Variants in USO1 observed in about 807,000 individuals in gnomAD.
USO1 encodes the protein USO1 vesicle transport factor.
USO1 carries 57 observed loss-of-function variants against 124.5 expected under a neutral mutation model. The observed-to-expected ratio is 0.46, with a 90% CI of 0.37 to 0.57. The LOEUF is 0.57. USO1 is among the 20% of genes least tolerant of loss of function. The probability of loss-of-function intolerance (pLI) is 0.00; values close to 1 mark genes in which losing one functional copy is unlikely to be tolerated. For missense variants in USO1, 900 were observed against 1,040.6 expected, an observed-to-expected ratio of 0.86 and a Z score of 1.86; for synonymous variants, 369 against 362.8, an observed-to-expected ratio of 1.02 and a Z score of -0.19.
intron 4 of USO1, among the ~76,000 whole-genome samples, chr4:75,761,518 G>C (rs1721606910): frequency 6.6e-6 from 1 of 152,166 alleles, no homozygotes; most frequent in South Asian, 2.1e-4. Flanking sequence ...AGGTATTCTA[G>C]TTCAGAGAAT....
chr4:75,748,201 G>A (rs558942718), intron 1 of USO1, among the ~76,000 whole-genome samples: 154 of 143,326 alleles, frequency 1.1e-3, no homozygotes, highest in African/African-American at 3.8e-3. Flanking sequence ...ATCGTGCCCA[G>A]CTGGTATTTC....
In USO1 at chr4:75,814,144, T is replaced by G. The variant is rs534854682; in HGVS notation, c.*849T>G. 3 of 152,320 alleles carry G rather than the reference T, an allele frequency of 2.0e-5. No homozygotes were observed. In the South Asian group the frequency reaches 6.2e-4, roughly 32 times the overall value. 9.4% of individuals were successfully genotyped at this position (152,320 alleles called of 1,614,324 possible). On this transcript the variant is annotated 3_prime_UTR_variant, in exon 24 of 24. Transcript: ENST00000514213. ...AATAGGTTTAAGTCAGATAATAGAT[T>G]TTAAAAAAGCAAATGAGGCAATGTG...
rs530774003 is a variant in USO1 at position 75,754,078 on chromosome 4, C to T, written c.218+1474C>T. ...CTGGGATTACAGGCGTGAGCCACCG[C>T]GCCCAGCCTTTTTTTTTTTTTCAGA... On this transcript the variant is annotated intron_variant, in intron 3 of 23. Transcript: ENST00000514213. 1.5e-3 allele frequency among the ~76,000 whole-genome samples: 219 copies of T among 149,304 alleles called. 1 individual carries two copies. The highest frequency in any genetic ancestry group is 2.3e-3 in the Non-Finnish European group (158 of 67,246).
intron 1 of USO1, among the ~76,000 whole-genome samples, chr4:75,752,059 T>C (rs1721310309): frequency 6.6e-6 from 1 of 152,176 alleles, no homozygotes; most frequent in Admixed American, 6.5e-5. Flanking sequence ...TATGCTCCCC[T>C]CCTGGTTCAA....
intron 11 of USO1, 38 bp downstream of exon 11, chr4:75,790,276 T>C (rs1436098336): frequency 1.3e-6 from 2 of 1,557,270 alleles, no homozygotes; most frequent in South Asian, 1.2e-5. Context: ...TCTGAGGAAG[T>C]AAAAACTTTG....
At chr4:75,771,833 C>G (rs1367824818) in intron 7 of USO1, among the ~76,000 whole-genome samples, 2 of 152,040 alleles carry the variant, frequency 1.3e-5, no homozygotes, top group Non-Finnish European at 2.9e-5. Context: ...CTATTGTTAC[C>G]TACAACTTGA....
In USO1 at chr4:75,790,193, A is replaced by C. The variant is rs767776781; in HGVS notation, c.1040A>C (p.Asn347Thr). 4 of 1,604,932 alleles carry C rather than the reference A, an allele frequency of 2.5e-6. No homozygotes were observed. The highest frequency in any genetic ancestry group is 2.6e-6 in the Non-Finnish European group (3 of 1,175,596). Residue 347 changes from asparagine to threonine, a missense_variant, in exon 11 of 24, where the codon AAC (asparagine) becomes ACC (threonine). Coordinates refer to ENST00000514213, the MANE Select transcript of USO1 (RefSeq NM_003715.4). ...GAAGTTATTCGAGGCTGCCAAGTAAACCAAGACTACTTTGCATCTGTAAAT... is the reference window on the plus strand; with the variant it reads ...GAAGTTATTCGAGGCTGCCAAGTAACCCAAGACTACTTTGCATCTGTAAAT... ...VSEVIRGCQVNQDYFASVNAP... is the reference protein window; with the variant it reads ...VSEVIRGCQVTQDYFASVNAP...
chr4:75,729,909 G>A, intron 1 of USO1: 1 of 408,120 alleles, frequency 2.5e-6, no homozygotes. Flanking sequence ...TTATTAAAGA[G>A]TGTGGACTTA....
intron 23 of USO1, 72 bp from the exon 24 acceptor site, chr4:75,813,134 A>C: frequency 6.7e-7 from 1 of 1,487,048 alleles, no homozygotes; most frequent in Non-Finnish European, 8.9e-7. Flanking sequence ...AATTATCAGT[A>C]GTATATATTG....
chr4:75,725,424 C>T (rs1407681247), intron 1 of USO1, among the ~76,000 whole-genome samples: 3 of 152,188 alleles, frequency 2.0e-5, no homozygotes, highest in Admixed American at 6.5e-5. Flanking sequence ...CTGCTCCTGT[C>T]CCATCAACTG....
At chr4:75,770,949 T>G in intron 6 of USO1, 25 bp downstream of exon 6, 1 of 1,600,730 alleles carries the variant, frequency 6.2e-7, no homozygotes. Flanking sequence ...TTTTTTATAT[T>G]ATTTTGATTC....
chr4:75,733,987 A>C, intron 1 of USO1, among the ~76,000 whole-genome samples: 1 of 119,504 alleles, frequency 8.4e-6, no homozygotes, highest in African/African-American at 3.3e-5. Flanking sequence ...CCTGTCACCC[A>C]GGCTGGAGTG....
chr4:75,790,306 A>G, intron 11 of USO1, 68 bp downstream of exon 11: 2 of 1,514,406 alleles, frequency 1.3e-6, no homozygotes, highest in Non-Finnish European at 8.9e-7. Context: ...TGTATCTCAT[A>G]TACACATCTT....
At chr4:75,730,223 A>G (rs1318732537) in intron 1 of USO1, among the ~76,000 whole-genome samples, 1 of 152,228 alleles carries the variant, frequency 6.6e-6, no homozygotes, top group Admixed American at 6.5e-5. Flanking sequence ...AAAAGTTAGA[A>G]TCATTTAAAT....
In USO1 at chr4:75,793,770, G is replaced by C; in HGVS notation, c.1321G>C (p.Ala441Pro). 6.2e-7 allele frequency: 1 copy of C among 1,613,860 alleles called. No individual in the cohort carries two copies. The highest frequency in any genetic ancestry group is 8.5e-7 in the Non-Finnish European group (1 of 1,179,840). Residue 441 changes from alanine (A) to proline (P), a missense_variant, in exon 13 of 24, where the codon GCT becomes CCT. Physicochemically the swap from Ala to Pro is conservative, Grantham distance 27. This residue lies in a region of USO1 where 538 missense variants were observed against 681.6 expected (regional missense o/e 0.79). Coordinates refer to ENST00000514213, the MANE Select transcript of USO1 (RefSeq NM_003715.4). ...STDSLSNWCA[A>P]VALAHALQEN... ...TGATTCACTTTCAAACTGGTGTGCT[G>C]CTGTGGCCCTTGCCCATGCGTTGCA...
At chr4:75,770,638 A>C (rs1721901653) in intron 5 of USO1, 99 bp downstream of exon 5, 24 of 1,470,082 alleles carry the variant, frequency 1.6e-5, no homozygotes, top group Non-Finnish European at 2.1e-5. Context: ...CTTTAAAGGT[A>C]GTAAAGTTTA....
intron 9 of USO1, among the ~76,000 whole-genome samples, chr4:75,784,960 GAA>G (rs879833206): frequency 1.5e-4 from 23 of 152,254 alleles, no homozygotes; most frequent in Middle Eastern, 3.4e-3. Context: ...CACTTGTCGT[GAA>G]GACCGTAAAC....
intron 13 of USO1, 26 bp from the exon 14 acceptor site, chr4:75,799,596 G>C (rs372437665): frequency 1.7e-5 from 28 of 1,609,178 alleles, no homozygotes; most frequent in Non-Finnish European, 2.3e-5. Flanking sequence ...TGAATGGAAA[G>C]ATTTCTACCA....
At chr4:75,795,107 A>G (rs893655235) in intron 13 of USO1, among the ~76,000 whole-genome samples, 11 of 152,342 alleles carry the variant, frequency 7.2e-5, no homozygotes, top group African/African-American at 2.4e-4. Context: ...CCCACTCTTA[A>G]GTAATCACAG....
Sources: gnomAD v4.1 joint callset for allele counts (sites outside exome capture counted in the v4.1 genomes callset) on GRCh38, gnomAD v4.1.1 for gene constraint, gnomAD v4.1.1 regional missense constraint, MANE v1.5 for transcripts, NCBI Gene and HGNC (gene_info 2026-07-23, HGNC 2026-07-21) for gene names.